Variants in ACYP2 observed in about 807,000 individuals in gnomAD.
ACYP2 encodes acylphosphatase-2.
In ACYP2, 12 loss-of-function variants were observed where a neutral mutation model predicts 11.2. The observed-to-expected ratio is 1.08, with a 90% confidence interval of 0.69 to 1.74. The LOEUF (loss-of-function observed/expected upper bound fraction) is 1.74. Among genes scored for constraint, ACYP2 ranks in the 40% most tolerant of loss-of-function variants. The pLI, the probability that ACYP2 is intolerant of heterozygous loss-of-function variation, is 0.00. For synonymous variants in ACYP2, 43 were observed against 32.2 expected (o/e 1.33, Z -1.13); for missense variants, 134 against 101.9 (o/e 1.31, Z -1.35).
intron 6 of ACYP2, among the ~76,000 whole-genome samples, chr2:54,223,451 C>A (rs1685881658): frequency 6.6e-6 from 1 of 152,060 alleles, no homozygotes; most frequent in African/African-American, 2.4e-5. Context: ...TAGTTTTTCC[C>A]AGACCACTTT....
intron 2 of ACYP2, among the ~76,000 whole-genome samples, chr2:53,996,455 C>T (rs531634506): frequency 6.6e-6 from 1 of 152,200 alleles, no homozygotes; most frequent in East Asian, 1.9e-4. Context: ...CCAGGAGAGC[C>T]TGAGACTTTG....
chr2:54,272,387 C>T (rs1217256384), intron 6 of ACYP2, among the ~76,000 whole-genome samples: 1 of 152,202 alleles, frequency 6.6e-6, no homozygotes, highest in African/African-American at 2.4e-5. Flanking sequence ...AGGGAGGGAT[C>T]TCAGAGCTGA....
intron 6 of ACYP2, among the ~76,000 whole-genome samples, chr2:54,248,640 TTGTC>T (rs995031653): frequency 5.3e-5 from 8 of 152,086 alleles, no homozygotes; most frequent in African/African-American, 1.9e-4. Flanking sequence ...ACACTGTAGA[TTGTC>T]TGTCTCCTAT....
At chr2:54,265,199 T>G (rs1298250681) in intron 6 of ACYP2, among the ~76,000 whole-genome samples, 2 of 151,760 alleles carry the variant, frequency 1.3e-5, no homozygotes, top group Admixed American at 6.6e-5. Flanking sequence ...AAGAAAGAGG[T>G]TTAATGGACT....
intron 6 of ACYP2, chr2:54,222,981 ACT>A (rs1000975901): frequency 6.6e-6 from 1 of 151,810 alleles, no homozygotes; most frequent in African/African-American, 2.4e-5. Flanking sequence ...CATATTCTTT[ACT>A]CTCTGTTTTG....
At chr2:54,031,434 G>A (rs1277481795) in intron 2 of ACYP2, among the ~76,000 whole-genome samples, 1 of 152,014 alleles carries the variant, frequency 6.6e-6, no homozygotes, top group East Asian at 1.9e-4. Flanking sequence ...CTTCATCCAT[G>A]TCCCTACAAA....
At chr2:54,122,265 A>G (rs1331234204) in intron 4 of ACYP2, among the ~76,000 whole-genome samples, 1 of 152,248 alleles carries the variant, frequency 6.6e-6, no homozygotes, top group Admixed American at 6.5e-5. Context: ...TTTAAATATC[A>G]GTGTGTGTTT....
intron 2 of ACYP2, among the ~76,000 whole-genome samples, chr2:53,994,202 C>T (rs1450461335): frequency 6.6e-6 from 1 of 151,778 alleles, no homozygotes; most frequent in Admixed American, 6.6e-5. Flanking sequence ...TGGTGGCAGG[C>T]GCCTGTAGCC....
At chr2:54,058,678 G>A (rs4299370) in intron 4 of ACYP2, among the ~76,000 whole-genome samples, 2 of 149,138 alleles carry the variant, frequency 1.3e-5, no homozygotes, top group Admixed American at 1.3e-4. Flanking sequence ...GTTTACTTTA[G>A]ATAAAACATG....
chr2:54,288,249 A>G (rs1404515212), intron 6 of ACYP2, among the ~76,000 whole-genome samples: 1 of 152,020 alleles, frequency 6.6e-6, no homozygotes, highest in African/African-American at 2.4e-5. Context: ...ACAGAAACAG[A>G]CTGTGTTTCA....
chr2:54,287,308 A>T (rs961648330), intron 6 of ACYP2, among the ~76,000 whole-genome samples: 1 of 151,964 alleles, frequency 6.6e-6, no homozygotes, highest in Non-Finnish European at 1.5e-5. Flanking sequence ...CCCTTTTTAT[A>T]AGTGGCTAAT....
chr2:54,124,255 C>T (rs943167884), intron 4 of ACYP2, among the ~76,000 whole-genome samples: 13 of 150,868 alleles, frequency 8.6e-5, no homozygotes, highest in East Asian at 1.9e-4. Flanking sequence ...AGTGCAATGG[C>T]GCGATGTGGG....
At chr2:54,153,887 A>G (rs1682315195) in intron 6 of ACYP2, among the ~76,000 whole-genome samples, 1 of 152,132 alleles carries the variant, frequency 6.6e-6, no homozygotes, top group South Asian at 2.1e-4. Flanking sequence ...GGCATGAGCC[A>G]CCGCACCTGG....
At chr2:54,267,452 C>G (rs1214339943) in intron 6 of ACYP2, 2 of 1,261,530 alleles carry the variant, frequency 1.6e-6, no homozygotes, top group Non-Finnish European at 2.1e-6. Context: ...GAATTGGGAG[C>G]TGGGGGAAGA....
chr2:54,121,393 A>G (rs567371390), intron 4 of ACYP2, among the ~76,000 whole-genome samples: 1 of 152,312 alleles, frequency 6.6e-6, no homozygotes, highest in South Asian at 2.1e-4. Context: ...TCCACCTGGA[A>G]CTGGCAACTC....
At chr2:54,283,642 T>C (rs1688943162) in intron 6 of ACYP2, among the ~76,000 whole-genome samples, 1 of 152,134 alleles carries the variant, frequency 6.6e-6, no homozygotes, top group African/African-American at 2.4e-5. Context: ...ATAGTAGGAG[T>C]TTTACAAGTA....
intron 4 of ACYP2, among the ~76,000 whole-genome samples, chr2:54,088,370 G>A (rs1000605957): frequency 1.3e-5 from 2 of 152,162 alleles, no homozygotes; most frequent in Non-Finnish European, 2.9e-5. Flanking sequence ...TGGGTCACAG[G>A]CCACTGTCCC....
intron 6 of ACYP2, among the ~76,000 whole-genome samples, chr2:54,204,058 G>A (rs1214964894): frequency 1.3e-5 from 2 of 152,076 alleles, no homozygotes; most frequent in Non-Finnish European, 2.9e-5. Context: ...GCAGTGGCAC[G>A]ATCTCGGCTC....
chr2:54,098,726 CTTT>C (rs34123335), intron 4 of ACYP2, among the ~76,000 whole-genome samples: 51,980 of 140,570 alleles, frequency 0.37, 9,737 homozygotes, highest in East Asian at 0.71. Context: ...GACAATGTCC[CTTT>C]TTTTTTTTTT....
Sources: allele counts gnomAD v4.1 joint callset (sites outside exome capture counted in the v4.1 genomes callset), GRCh38; gene constraint gnomAD v4.1.1; transcripts MANE v1.5; gene names NCBI Gene and HGNC (gene_info 2026-07-23, HGNC 2026-07-21).